PCDH9: variants seen among roughly 807,000 people sequenced by gnomAD.
PCDH9 encodes the protein protocadherin-9.
Under a neutral mutation model 70.6 loss-of-function variants are expected in PCDH9, and 24 were observed. The ratio of observed to expected loss-of-function variants is 0.34; its 90% CI spans 0.25 to 0.48. PCDH9 has a LOEUF of 0.48. Ranked by LOEUF, PCDH9 falls within the 20% of genes least tolerant of loss-of-function variation. The pLI is 0.99. For synonymous variants in PCDH9, 562 were observed against 558.5 expected (o/e 1.01, Z -0.09); for missense variants, 1,281 against 1,503.6 (o/e 0.85, Z 2.45).
At chr13:66,680,625 CT>C (rs1475481468) in intron 3 of PCDH9, among the ~76,000 whole-genome samples, 2 of 151,828 alleles carry the variant, frequency 1.3e-5, no homozygotes, top group Non-Finnish European at 2.9e-5. Context: ...TAAAATTGTG[CT>C]GTCAATTATA....
chr13:66,678,990 C>T (rs929558398), intron 3 of PCDH9, among the ~76,000 whole-genome samples: 10 of 150,894 alleles, frequency 6.6e-5, no homozygotes, highest in South Asian at 4.2e-4. Flanking sequence ...AATAAAAATT[C>T]GAAAGAACAT....
chr13:67,106,895 T>A (rs1024136645), intron 2 of PCDH9, among the ~76,000 whole-genome samples: 1 of 152,168 alleles, frequency 6.6e-6, no homozygotes, highest in African/African-American at 2.4e-5. Flanking sequence ...CTCAGGATGG[T>A]GCTAACATGC....
intron 3 of PCDH9, among the ~76,000 whole-genome samples, chr13:66,729,558 T>C (rs1178039812): frequency 1.3e-5 from 2 of 152,160 alleles, no homozygotes; most frequent in Admixed American, 6.6e-5. Context: ...AAGTTTCTGA[T>C]GATTGTTTTA....
intron 2 of PCDH9, among the ~76,000 whole-genome samples, chr13:67,067,096 T>C (rs1365373837): frequency 6.6e-6 from 1 of 152,158 alleles, no homozygotes; most frequent in African/African-American, 2.4e-5. Context: ...TCCTCTTCTC[T>C]TTTAAACCAA....
intron 4 of PCDH9, among the ~76,000 whole-genome samples, chr13:66,574,814 T>C (rs894947268): frequency 1.3e-5 from 2 of 152,156 alleles, no homozygotes; most frequent in Non-Finnish European, 2.9e-5. Flanking sequence ...TGGCCTTTCT[T>C]CAGCCACAAA....
intron 2 of PCDH9, among the ~76,000 whole-genome samples, chr13:67,169,922 C>T (rs774533971): frequency 1.1e-4 from 16 of 152,168 alleles, no homozygotes; most frequent in Non-Finnish European, 1.9e-4. Flanking sequence ...TCTGGCAATA[C>T]ATCCAGCTCC....
At chr13:67,194,104 CTTTG>C (rs886252827) in intron 2 of PCDH9, among the ~76,000 whole-genome samples, 9 of 152,152 alleles carry the variant, frequency 5.9e-5, no homozygotes, top group African/African-American at 1.7e-4. Context: ...GAGAAGAAAA[CTTTG>C]TTTGGGGAAT....
intron 4 of PCDH9, among the ~76,000 whole-genome samples, chr13:66,623,887 A>C (rs2077465810): frequency 6.6e-6 from 1 of 152,246 alleles, no homozygotes; most frequent in African/African-American, 2.4e-5. Context: ...CTTATTAAAT[A>C]TTAACCATAA....
At chr13:66,809,938 T>C (rs570589449) in intron 3 of PCDH9, among the ~76,000 whole-genome samples, 2 of 152,046 alleles carry the variant, frequency 1.3e-5, no homozygotes, top group African/African-American at 4.8e-5. Flanking sequence ...CATTTAAAAA[T>C]AATACTAACT....
chr13:66,682,431 G>T (rs11617809), intron 3 of PCDH9, among the ~76,000 whole-genome samples: 1,968 of 151,864 alleles, frequency 0.013, 18 homozygotes, highest in Non-Finnish European at 0.021. Flanking sequence ...TATTTAGTGA[G>T]AAGGAAGAGA....
intron 2 of PCDH9, chr13:67,215,846 T>C (rs2089588833): frequency 6.6e-6 from 1 of 152,120 alleles, no homozygotes; most frequent in East Asian, 1.9e-4. Flanking sequence ...TTCAGCACTG[T>C]TGTGGGTTCA....
At chr13:66,764,893 GA>G (rs1375181005) in intron 3 of PCDH9, among the ~76,000 whole-genome samples, 1 of 151,824 alleles carries the variant, frequency 6.6e-6, no homozygotes, top group Non-Finnish European at 1.5e-5. Flanking sequence ...ACATCATATC[GA>G]TTTTTTGAGA....
chr13:66,320,537 C>G (rs953915792), intron 4 of PCDH9, among the ~76,000 whole-genome samples: 4 of 151,888 alleles, frequency 2.6e-5, no homozygotes, highest in African/African-American at 9.7e-5. Context: ...GGCTTCGGTT[C>G]AAAATCAATC....
At chr13:66,498,333 CG>C (rs1665826469) in intron 4 of PCDH9, among the ~76,000 whole-genome samples, 2 of 151,552 alleles carry the variant, frequency 1.3e-5, no homozygotes, top group South Asian at 4.2e-4. Flanking sequence ...TTAGTAGAGA[CG>C]GGGTTTCACC....
intron 4 of PCDH9, among the ~76,000 whole-genome samples, chr13:66,531,033 C>A (rs1402989486): frequency 6.6e-6 from 1 of 151,854 alleles, no homozygotes; most frequent in Non-Finnish European, 1.5e-5. Context: ...CATGACAATG[C>A]TGCAGTGCCT....
chr13:66,331,430 A>G (rs1042091191), intron 4 of PCDH9, among the ~76,000 whole-genome samples: 1 of 152,102 alleles, frequency 6.6e-6, no homozygotes, highest in South Asian at 2.1e-4. Flanking sequence ...GTTACAATAC[A>G]TCTCTTTATT....
At chr13:66,482,997 C>A (rs1193782491) in intron 4 of PCDH9, among the ~76,000 whole-genome samples, 1 of 152,180 alleles carries the variant, frequency 6.6e-6, no homozygotes, top group Non-Finnish European at 1.5e-5. Flanking sequence ...TAAGCCCCAC[C>A]GTGCTTTGCT....
intron 3 of PCDH9, among the ~76,000 whole-genome samples, chr13:66,724,370 AC>A (rs1004254139): frequency 6.6e-6 from 1 of 152,112 alleles, no homozygotes; most frequent in Non-Finnish European, 1.5e-5. Context: ...GGAAAACCAT[AC>A]CCCTGCTTCA....
At chr13:66,825,103 G>A (rs535007902) in intron 3 of PCDH9, 1 of 151,738 alleles carries the variant, frequency 6.6e-6, no homozygotes, top group South Asian at 2.1e-4. Context: ...AAATGTATTA[G>A]CATTCTTTAA....
Sources: allele counts gnomAD v4.1 joint callset (sites outside exome capture counted in the v4.1 genomes callset), GRCh38; gene constraint gnomAD v4.1.1; transcripts MANE v1.5; gene names NCBI Gene and HGNC (gene_info 2026-07-23, HGNC 2026-07-21).